GREM2: variants seen among roughly 807,000 people sequenced by gnomAD.
GREM2 encodes the protein gremlin-2.
A neutral mutation model predicts 14.2 loss-of-function variants in GREM2; 11 were observed. That is an observed-to-expected ratio of 0.78 (90% CI 0.49 to 1.28). The LOEUF (loss-of-function observed/expected upper bound fraction) is 1.28. GREM2 is among the 50% of genes most tolerant of loss of function. GREM2 has a pLI of 0.00. For synonymous variants in GREM2, 98 were observed against 97.6 expected (o/e 1.00, Z -0.02); for missense variants, 210 against 218.5 (o/e 0.96, Z 0.24).
chr1:240,529,271 TA>T (rs1472289507), intron 1 of GREM2, among the ~76,000 whole-genome samples: 7 of 138,796 alleles, frequency 5.0e-5, no homozygotes, highest in East Asian at 2.8e-4. Context: ...TGCCTATGAT[TA>T]TGTTTTTTTT....
Position 240,584,988 on chromosome 1 carries a change from G to A in GREM2, c.-2+26896C>T, listed in dbSNP as rs557812667. Among the ~76,000 whole-genome samples the A allele has an allele frequency of 2.7e-3, 407 of 152,082 alleles. 2 individuals carry two copies. Among genetic ancestry groups the A allele is most frequent in the South Asian group, 5.2e-3 (25 of 4,814 alleles). On this transcript the variant is annotated intron_variant, in intron 1 of 1. Coordinates refer to ENST00000318160, the MANE Select transcript of GREM2 (RefSeq NM_022469.4). Reference sequence around the variant, plus strand: ...CTTTTTTGTAGTTTCCCTTCCATTTGAGGGGGAAAAAAAGTAGTTTACTAG... The same window carrying A: ...CTTTTTTGTAGTTTCCCTTCCATTTAAGGGGGAAAAAAAGTAGTTTACTAG...
intron 1 of GREM2, among the ~76,000 whole-genome samples, chr1:240,501,039 C>T (rs1677559719): frequency 6.6e-6 from 1 of 152,134 alleles, no homozygotes; most frequent in Admixed American, 6.5e-5. Context: ...TCGCCTTTTG[C>T]CTATCTGAAA....
chr1:240,603,778 T>C (rs1679973014), intron 1 of GREM2, among the ~76,000 whole-genome samples: 2 of 151,894 alleles, frequency 1.3e-5, no homozygotes, highest in African/African-American at 4.8e-5. Context: ...CACACATATA[T>C]GTTATTGTGT....
intron 1 of GREM2, among the ~76,000 whole-genome samples, chr1:240,606,171 A>G (rs1414356465): frequency 6.6e-6 from 1 of 152,234 alleles, no homozygotes; most frequent in African/African-American, 2.4e-5. Context: ...CTGGATCTCA[A>G]TAGATTCAGA....
At chr1:240,522,005 A>G (rs1488320884) in intron 1 of GREM2, among the ~76,000 whole-genome samples, 1 of 151,550 alleles carries the variant, frequency 6.6e-6, no homozygotes, top group East Asian at 1.9e-4. Flanking sequence ...CTGTAGTCCC[A>G]GCTACTCGGG....
At position 240,543,441 on chromosome 1, in the gene GREM2, C is replaced by T. The variant is rs925850264; in HGVS notation, c.-1-49965G>A. On this transcript the variant is annotated intron_variant, in intron 1 of 1. Transcript: ENST00000318160. This position sits in a 1 kb window ranked among gnomAD's most constrained non-coding sequence, Gnocchi z 6.4. ...AGGAGAGTTTGTTCAGGGGAACTCC[C>T]ATATATAAAACCATCAGATCTGGTG... 2.0e-5 allele frequency among the ~76,000 whole-genome samples: 3 copies of T among 152,126 alleles called. No individual in the cohort carries two copies. The highest frequency in any genetic ancestry group is 4.4e-5 in the Non-Finnish European group (3 of 68,030).
Position 240,547,534 on chromosome 1 carries a change from T to TATATAGAC in GREM2, c.-1-54059_-1-54058insGTCTATAT, listed in dbSNP as rs1491511748. ...AAAAAAATATATATATATATATATA[T>TATATAGAC]AGATAGATAGATAGATAGATAGACA... On this transcript the variant is annotated intron_variant, in intron 1 of 1. Coordinates refer to ENST00000318160, the MANE Select transcript of GREM2 (RefSeq NM_022469.4). Among the ~76,000 whole-genome samples the TATATAGAC allele has an allele frequency of 3.4e-5, 4 of 119,396 alleles. 1 individual carries two copies. The highest frequency in any genetic ancestry group is 1.5e-4 in the African/African-American group (4 of 27,402). The allele number at this position is 119,396 out of a possible 152,430, so 78.3% of individuals were successfully genotyped here.
intron 1 of GREM2, among the ~76,000 whole-genome samples, chr1:240,552,522 GA>G (rs1678872171): frequency 6.6e-6 from 1 of 152,194 alleles, no homozygotes; most frequent in Non-Finnish European, 1.5e-5. Flanking sequence ...CTGAGCCCAA[GA>G]GTTTGAGATT....
chr1:240,504,647 G>T (rs1205489169), intron 1 of GREM2, among the ~76,000 whole-genome samples: 1 of 152,110 alleles, frequency 6.6e-6, no homozygotes, highest in Non-Finnish European at 1.5e-5. Flanking sequence ...TCTAAATATT[G>T]TTACCCTCAC....
rs1229918385 is a variant in GREM2, at chr1:240,489,617, T to C, written c.*3352A>G. ...AAGTAGGCATTCTTTATTCCTTTAC[T>C]TTCTTAATAAACTTGCTTTCACTTA... is the stretch of plus-strand genomic sequence containing the variant. On this transcript the variant is annotated 3_prime_UTR_variant, in exon 2 of 2. Coordinates refer to ENST00000318160, the MANE Select transcript of GREM2 (RefSeq NM_022469.4). 2 of 152,260 alleles carry C rather than the reference T, an allele frequency of 1.3e-5. No individual in the cohort carries two copies. The highest frequency in any genetic ancestry group is 4.8e-5 in the African/African-American group (2 of 41,466). The allele number at this position is 152,260 out of a possible 1,614,324, so 9.4% of individuals were successfully genotyped here. A position where few individuals can be genotyped will look rare whatever the true frequency, so the allele number is the denominator to read the frequency against.
intron 1 of GREM2, among the ~76,000 whole-genome samples, chr1:240,572,197 T>C (rs537217397): frequency 1.3e-5 from 2 of 152,350 alleles, no homozygotes; most frequent in Admixed American, 6.5e-5. Flanking sequence ...TTTTTTTATA[T>C]TAAAAAGATG....
At chr1:240,587,140 T>C (rs1679614689) in intron 1 of GREM2, among the ~76,000 whole-genome samples, 1 of 151,986 alleles carries the variant, frequency 6.6e-6, no homozygotes, top group Non-Finnish European at 1.5e-5. Flanking sequence ...AATGAGAAAA[T>C]ATAGATCAGC....
intron 1 of GREM2, among the ~76,000 whole-genome samples, chr1:240,557,810 C>A (rs1021281711): frequency 1.3e-5 from 2 of 151,112 alleles, no homozygotes; most frequent in Non-Finnish European, 2.9e-5. Context: ...GAGCAACCAC[C>A]CAGACAGGGT....
At chr1:240,538,546 A>AAAT (rs1558154284) in intron 1 of GREM2, among the ~76,000 whole-genome samples, 1 of 151,830 alleles carries the variant, frequency 6.6e-6, no homozygotes. Flanking sequence ...CTCCAAAAAA[A>AAAT]AATAATAATA....
chr1:240,526,350 G>C (rs972998394), intron 1 of GREM2, among the ~76,000 whole-genome samples: 21 of 152,260 alleles, frequency 1.4e-4, no homozygotes, highest in Middle Eastern at 6.8e-3. Flanking sequence ...TGATTATTTT[G>C]TCAAAATTAA....
intron 1 of GREM2, among the ~76,000 whole-genome samples, chr1:240,499,793 T>C (rs1245081956): frequency 1.3e-5 from 2 of 151,908 alleles, no homozygotes; most frequent in Non-Finnish European, 2.9e-5. Context: ...AATAAAGTTA[T>C]GTTGGAACAC....
At position 240,592,035 on chromosome 1, in the gene GREM2, G is replaced by A. The variant is rs1679725126; in HGVS notation, c.-2+19849C>T. Among the ~76,000 whole-genome samples, 3 of 152,294 alleles carry A rather than the reference G, an allele frequency of 2.0e-5. No individual in the cohort carries two copies. In the South Asian group the frequency reaches 6.2e-4, roughly 32 times the overall value. On this transcript the variant is annotated intron_variant, in intron 1 of 1. Transcript: ENST00000318160. Reference sequence around the variant, plus strand: ...GTCTGTGATGGAGCCTCCTCTCCAGGCTACAAGTAGAAGAATTCTAAAGGC... The same window carrying A: ...GTCTGTGATGGAGCCTCCTCTCCAGACTACAAGTAGAAGAATTCTAAAGGC...
In GREM2 at chr1:240,588,356, G is replaced by A. The variant is rs551029912; in HGVS notation, c.-2+23528C>T. Among the ~76,000 whole-genome samples, 20 of 152,224 alleles carry A rather than the reference G, an allele frequency of 1.3e-4. 1 individual carries two copies. The highest frequency in any genetic ancestry group is 3.4e-3 in the Middle Eastern group (1 of 294). ...CTTGCACTTGAATCCTTGACTCAGCGTTTGCTTCTGGGAATACCCGAACTC... is the reference window on the plus strand; with the variant it reads ...CTTGCACTTGAATCCTTGACTCAGCATTTGCTTCTGGGAATACCCGAACTC... On this transcript the variant is annotated intron_variant, in intron 1 of 1. Coordinates refer to ENST00000318160, the MANE Select transcript of GREM2 (RefSeq NM_022469.4).
At chr1:240,573,215 C>G (rs865901248) in intron 1 of GREM2, among the ~76,000 whole-genome samples, 6 of 152,118 alleles carry the variant, frequency 3.9e-5, no homozygotes, top group Non-Finnish European at 8.8e-5. Context: ...GTAATCCCAG[C>G]ACTCTGGGAG....
Sources: gnomAD v4.1 joint callset for allele counts (sites outside exome capture counted in the v4.1 genomes callset) on GRCh38, gnomAD v4.1.1 for gene constraint, Gnocchi (gnomAD v3.1) non-coding constraint, MANE v1.5 for transcripts, NCBI Gene and HGNC (gene_info 2026-07-23, HGNC 2026-07-21) for gene names.